Variants in PTPRD observed in about 807,000 individuals in gnomAD.
The protein encoded by PTPRD is receptor-type tyrosine-protein phosphatase delta.
Under a neutral mutation model 214.5 loss-of-function variants are expected in PTPRD, and 34 were observed. The observed-to-expected ratio is 0.16, with a 90% confidence interval of 0.12 to 0.21. PTPRD has a LOEUF of 0.21. Ranked by LOEUF, PTPRD falls within the 10% of genes least tolerant of loss-of-function variation. The pLI is 1.00. For missense variants in PTPRD, 2,545 were observed against 2,398.7 expected (o/e 1.06, Z -1.27); for synonymous variants, 1,128 against 845.7 (o/e 1.33, Z -5.79).
intron 43 of PTPRD, among the ~76,000 whole-genome samples, chr9:8,336,376 G>C (rs1371851248): frequency 1.3e-5 from 2 of 149,004 alleles, no homozygotes; most frequent in Non-Finnish European, 3.0e-5. Flanking sequence ...AATAAATGGT[G>C]TTGGGAAAAC....
At chr9:8,646,416 T>C (rs1019827274) in intron 12 of PTPRD, among the ~76,000 whole-genome samples, 3 of 152,218 alleles carry the variant, frequency 2.0e-5, no homozygotes, top group African/African-American at 7.2e-5. Context: ...AGAAATACTG[T>C]TTGGCCTTTA....
At chr9:8,886,600 T>C (rs2098490493) in intron 11 of PTPRD, among the ~76,000 whole-genome samples, 2 of 152,196 alleles carry the variant, frequency 1.3e-5, no homozygotes, top group Admixed American at 1.3e-4. Context: ...TTAAAATGCA[T>C]GGTTTAAATA....
At chr9:9,085,514 G>A (rs750173609) in intron 10 of PTPRD, among the ~76,000 whole-genome samples, 1 of 152,032 alleles carries the variant, frequency 6.6e-6, no homozygotes, top group Non-Finnish European at 1.5e-5. Context: ...GGAAGAATAA[G>A]ATCCATTTCC....
chr9:8,392,589 G>C (rs2089963643), intron 36 of PTPRD, among the ~76,000 whole-genome samples: 1 of 152,064 alleles, frequency 6.6e-6, no homozygotes, highest in South Asian at 2.1e-4. Context: ...GGAATACCTG[G>C]TAGAGCAAAT....
rs142344649 is a variant in PTPRD, at chr9:9,837,090, G to A, written c.-367-70239C>T. On this transcript the variant is annotated intron_variant, in intron 5 of 45. Transcript: ENST00000381196. ...ACATACATTCTTTTCCCTATGTTAT[G>A]TGTATTAGAGTAAATATTCACTTCA... 1.1e-3 allele frequency among the ~76,000 whole-genome samples: 170 copies of A among 152,210 alleles called. 1 individual carries two copies. Among genetic ancestry groups the A allele is most frequent in the African/African-American group, 3.8e-3 (159 of 41,546 alleles).
At chr9:8,954,397 T>C (rs2099120261) in intron 11 of PTPRD, among the ~76,000 whole-genome samples, 1 of 151,844 alleles carries the variant, frequency 6.6e-6, no homozygotes, top group African/African-American at 2.4e-5. Flanking sequence ...GGTATTATGC[T>C]TACTACCTGG....
intron 5 of PTPRD, among the ~76,000 whole-genome samples, chr9:9,882,200 AT>A (rs2068959454): frequency 6.6e-6 from 1 of 152,042 alleles, no homozygotes; most frequent in South Asian, 2.1e-4. Flanking sequence ...CACCACCTGA[AT>A]TTTTTTAACC....
At chr9:9,597,682 A>G (rs1223525690) in intron 7 of PTPRD, among the ~76,000 whole-genome samples, 2 of 152,040 alleles carry the variant, frequency 1.3e-5, no homozygotes, top group Non-Finnish European at 2.9e-5. Flanking sequence ...GATTTGTGGA[A>G]AAAAGATATG....
chr9:8,531,613 C>G (rs2075719135), intron 14 of PTPRD, among the ~76,000 whole-genome samples: 1 of 152,058 alleles, frequency 6.6e-6, no homozygotes, highest in Non-Finnish European at 1.5e-5. Flanking sequence ...CAAAAATCAC[C>G]TTGCGATTCC....
intron 9 of PTPRD, among the ~76,000 whole-genome samples, chr9:9,221,548 G>C (rs1251592434): frequency 6.6e-6 from 1 of 151,976 alleles, no homozygotes; most frequent in Non-Finnish European, 1.5e-5. Flanking sequence ...TCTCTTTCTG[G>C]CTCGCAGACA....
chr9:9,676,978 T>G (rs549034829), intron 7 of PTPRD, among the ~76,000 whole-genome samples: 1 of 152,000 alleles, frequency 6.6e-6, no homozygotes, highest in Middle Eastern at 3.4e-3. Flanking sequence ...GGGTTGTTTG[T>G]TTTTTTTCTT....
chr9:8,995,442 G>A (rs930302815), intron 11 of PTPRD, among the ~76,000 whole-genome samples: 1 of 152,044 alleles, frequency 6.6e-6, no homozygotes, highest in Non-Finnish European at 1.5e-5. Flanking sequence ...CTGGGATGCT[G>A]ACTTTCATTA....
intron 9 of PTPRD, among the ~76,000 whole-genome samples, chr9:9,218,664 T>C (rs945674966): frequency 2.6e-5 from 4 of 152,034 alleles, no homozygotes; most frequent in Admixed American, 2.0e-4. Context: ...CTGTAACATA[T>C]ATAATGGGAC....
intron 10 of PTPRD, among the ~76,000 whole-genome samples, chr9:9,174,580 T>C (rs1264150235): frequency 6.6e-6 from 1 of 152,184 alleles, no homozygotes; most frequent in Non-Finnish European, 1.5e-5. Context: ...TCAGCATTAC[T>C]GTGGTTTTAA....
intron 3 of PTPRD, among the ~76,000 whole-genome samples, chr9:10,103,373 C>G (rs2098583863): frequency 1.2e-5 from 1 of 82,310 alleles, no homozygotes; most frequent in Non-Finnish European, 2.3e-5. Context: ...TTTTAAACTG[C>G]ATATTATATA....
chr9:8,494,019 C>G (rs893421655), intron 26 of PTPRD, among the ~76,000 whole-genome samples: 1 of 150,658 alleles, frequency 6.6e-6, no homozygotes, highest in Non-Finnish European at 1.5e-5. Context: ...CACACACACA[C>G]ACACACACAC....
intron 26 of PTPRD, among the ~76,000 whole-genome samples, chr9:8,495,441 T>C (rs1463368751): frequency 1.3e-5 from 2 of 152,200 alleles, no homozygotes; most frequent in Non-Finnish European, 1.5e-5. Flanking sequence ...AAAATAACTC[T>C]TTTTACCTGC....
chr9:8,524,676 C>A, intron 18 of PTPRD: 1 of 576,950 alleles, frequency 1.7e-6, no homozygotes, highest in South Asian at 2.0e-5. Context: ...AAAATAGAAA[C>A]CAAGATGTAA....
intron 10 of PTPRD, among the ~76,000 whole-genome samples, chr9:9,026,001 G>C (rs925222341): frequency 6.6e-6 from 1 of 151,882 alleles, no homozygotes. Flanking sequence ...AAGAAAGAAA[G>C]AAAGAGAAAG....
Sources: allele counts gnomAD v4.1 joint callset (sites outside exome capture counted in the v4.1 genomes callset), GRCh38; gene constraint gnomAD v4.1.1; transcripts MANE v1.5; gene names NCBI Gene and HGNC (gene_info 2026-07-23, HGNC 2026-07-21).